RANBP17: variants seen among roughly 807,000 people sequenced by gnomAD.
The protein encoded by RANBP17 is RAN binding protein 17.
In RANBP17, 158 loss-of-function variants were observed where a neutral mutation model predicts 141.2. The observed-to-expected ratio is 1.12, with a 90% confidence interval of 0.98 to 1.28. The LOEUF is 1.28. RANBP17 is among the 50% of genes most tolerant of loss of function. The probability of loss-of-function intolerance (pLI) is 0.00; values close to 1 mark genes in which losing one functional copy is unlikely to be tolerated. For synonymous variants in RANBP17, 430 were observed against 450.0 expected, an observed-to-expected ratio of 0.96 and a Z score of 0.56; for missense variants, 1,438 against 1,290.7, an observed-to-expected ratio of 1.11 and a Z score of -1.75.
chr5:171,095,378 C>T (rs544974695), intron 14 of RANBP17, among the ~76,000 whole-genome samples: 2 of 152,248 alleles, frequency 1.3e-5, no homozygotes, highest in South Asian at 2.1e-4. Flanking sequence ...AGGATCACAA[C>T]AGGTACAGAA....
chr5:171,196,615 A>C lies in RANBP17; in HGVS notation c.2039-3055A>C, dbSNP rs189440296. ...TAGTGCTAATGGCTGTCATTTATTAAGTACCAGACACTGAGCAGGGGGATG... is the reference window on the plus strand; with the variant it reads ...TAGTGCTAATGGCTGTCATTTATTACGTACCAGACACTGAGCAGGGGGATG... On this transcript the variant is annotated intron_variant, in intron 18 of 27. Coordinates refer to ENST00000523189, the MANE Select transcript of RANBP17 (RefSeq NM_022897.5). 1.7e-3 allele frequency among the ~76,000 whole-genome samples: 259 copies of C among 152,296 alleles called. 2 individuals are homozygous for C. The highest frequency in any genetic ancestry group is 6.1e-3 in the African/African-American group (253 of 41,564).
chr5:171,182,828 G>A (rs1760949914), intron 16 of RANBP17, among the ~76,000 whole-genome samples: 1 of 151,988 alleles, frequency 6.6e-6, no homozygotes, highest in Admixed American at 6.6e-5. Context: ...ATAACATTAA[G>A]TAAGTAGAAG....
rs62393871 is a variant in RANBP17, at chr5:170,943,323, A to T, written c.1469-10274A>T. Among the ~76,000 whole-genome samples the T allele has an allele frequency of 3.0e-3, 464 of 152,176 alleles. 2 individuals carry two copies. Among genetic ancestry groups the T allele is most frequent in the Non-Finnish European group, 4.8e-3 (326 of 67,964 alleles). ...AAAATAAGTTTATTATTATATTATG[A>T]TCTCATTTGTATTATATTGTCTCGC... On this transcript the variant is annotated intron_variant, in intron 12 of 27. Coordinates refer to ENST00000523189, the MANE Select transcript of RANBP17 (RefSeq NM_022897.5).
intron 23 of RANBP17, among the ~76,000 whole-genome samples, chr5:171,242,270 G>A (rs1057368955): frequency 6.6e-6 from 1 of 151,992 alleles, no homozygotes; most frequent in African/African-American, 2.4e-5. Context: ...TTAGTTAGAT[G>A]GATTAGCATT....
chr5:171,059,087 CG>C (rs1561603435), intron 14 of RANBP17, among the ~76,000 whole-genome samples: 1 of 150,630 alleles, frequency 6.6e-6, no homozygotes, highest in East Asian at 2.0e-4. Context: ...GAGTAGGTTG[CG>C]AAAATTTTCT....
intron 13 of RANBP17, among the ~76,000 whole-genome samples, chr5:170,962,031 A>G (rs1431857030): frequency 6.6e-6 from 1 of 152,204 alleles, no homozygotes; most frequent in Non-Finnish European, 1.5e-5. Context: ...GTGGAGCTGA[A>G]AAAGCTACCT....
chr5:171,187,597 A>C (rs1271248062), intron 18 of RANBP17, among the ~76,000 whole-genome samples: 1 of 152,204 alleles, frequency 6.6e-6, no homozygotes, highest in Non-Finnish European at 1.5e-5. Flanking sequence ...TTTGGGTTGT[A>C]GCATGTAGGT....
chr5:170,941,467 G>A (rs988564908), intron 12 of RANBP17, among the ~76,000 whole-genome samples: 12 of 151,930 alleles, frequency 7.9e-5, no homozygotes, highest in African/African-American at 2.9e-4. Flanking sequence ...CAATAAATGA[G>A]GAAATGAATA....
At chr5:171,243,970 C>T (rs1765048952) in intron 24 of RANBP17, among the ~76,000 whole-genome samples, 1 of 151,986 alleles carries the variant, frequency 6.6e-6, no homozygotes, top group East Asian at 1.9e-4. Flanking sequence ...CCCAACTACT[C>T]AGGAGGCTGA....
chr5:171,194,027 A>G (rs554799903), intron 18 of RANBP17, among the ~76,000 whole-genome samples: 1 of 152,304 alleles, frequency 6.6e-6, no homozygotes, highest in Non-Finnish European at 1.5e-5. Flanking sequence ...GTTGGCTACC[A>G]TCATTTACAG....
rs70982310 is a variant in RANBP17 at position 170,869,323 on chromosome 5, C to CTT, written c.18+7289_18+7290dup. Among the ~76,000 whole-genome samples the CTT allele has an allele frequency of 5.0e-3, 628 of 125,416 alleles. 9 individuals are homozygous for CTT. Among genetic ancestry groups the CTT allele is most frequent in the South Asian group, 9.0e-3 (36 of 3,982 alleles). The allele number at this position is 125,416 out of a possible 152,430, so 82.3% of individuals were successfully genotyped here. A position where few individuals can be genotyped will look rare whatever the true frequency, so the allele number is the denominator to read the frequency against. ...TATTACTTTTCTAGGGCTCACAACACTTTTTTTTTTTTTTTTTTGAGTTGG... is the reference window on the plus strand; with the variant it reads ...TATTACTTTTCTAGGGCTCACAACACTTTTTTTTTTTTTTTTTTTTGAGTTGG... On this transcript the variant is annotated intron_variant, in intron 1 of 27. Coordinates refer to ENST00000523189, the MANE Select transcript of RANBP17 (RefSeq NM_022897.5).
chr5:171,168,956 C>A (rs1759913294), intron 14 of RANBP17, among the ~76,000 whole-genome samples: 1 of 152,106 alleles, frequency 6.6e-6, no homozygotes, highest in African/African-American at 2.4e-5. Flanking sequence ...CTTTTTCTCT[C>A]CCTCTGATTC....
chr5:171,196,447 A>G (rs1457960254), intron 18 of RANBP17, among the ~76,000 whole-genome samples: 1 of 152,104 alleles, frequency 6.6e-6, no homozygotes, highest in Non-Finnish European at 1.5e-5. Context: ...AAAAGTCTGA[A>G]TTTGTCTTTG....
At chr5:171,277,632 T>TGTAG in intron 25 of RANBP17, among the ~76,000 whole-genome samples, 1 of 71,424 alleles carries the variant, frequency 1.4e-5, no homozygotes, top group Non-Finnish European at 2.7e-5. Context: ...TATACATATA[T>TGTAG]GTATGTATAT....
At chr5:171,101,424 G>C (rs1445917626) in intron 14 of RANBP17, among the ~76,000 whole-genome samples, 1 of 152,134 alleles carries the variant, frequency 6.6e-6, no homozygotes. Context: ...TGCAACCCCT[G>C]CTCTTTTTTT....
intron 4 of RANBP17, among the ~76,000 whole-genome samples, chr5:170,893,519 C>T (rs553308624): frequency 6.6e-6 from 1 of 152,226 alleles, no homozygotes; most frequent in East Asian, 1.9e-4. Flanking sequence ...CTGGACTGGG[C>T]GTGGTGGCTC....
At position 171,296,027 on chromosome 5, in the gene RANBP17, C is replaced by CA; in HGVS notation, c.3170+14dup. The stretch of plus-strand genomic sequence containing the variant: ...AGAACAGAGACAGGTGAGCATTGCC[C>CA]AGTAGTGTGTCACTGGGGGAAGTAG... On this transcript the variant is annotated intron_variant, in intron 27 of 27. Coordinates refer to ENST00000523189, the MANE Select transcript of RANBP17 (RefSeq NM_022897.5). The CA allele has an allele frequency of 6.2e-7, 1 of 1,610,304 alleles. No homozygotes were observed. The highest frequency in any genetic ancestry group is 8.5e-7 in the Non-Finnish European group (1 of 1,177,686).
intron 14 of RANBP17, among the ~76,000 whole-genome samples, chr5:171,164,319 T>C (rs2127863772): frequency 6.6e-6 from 1 of 152,308 alleles, no homozygotes; most frequent in South Asian, 2.1e-4. Flanking sequence ...AGGATTAGGA[T>C]TGGTAAAAGA....
chr5:171,072,547 T>A (rs573322330), intron 14 of RANBP17, among the ~76,000 whole-genome samples: 1 of 152,216 alleles, frequency 6.6e-6, no homozygotes, highest in Non-Finnish European at 1.5e-5. Context: ...ACATCATTTA[T>A]CATTACAGAA....
Sources: allele counts gnomAD v4.1 joint callset (sites outside exome capture counted in the v4.1 genomes callset), GRCh38; gene constraint gnomAD v4.1.1; transcripts MANE v1.5; gene names NCBI Gene and HGNC (gene_info 2026-07-23, HGNC 2026-07-21).